SH3RF2: variants seen among roughly 807,000 people sequenced by gnomAD.
The protein encoded by SH3RF2 is E3 ubiquitin-protein ligase SH3RF2.
Under a neutral mutation model 59.0 loss-of-function variants are expected in SH3RF2, and 43 were observed. That is an observed-to-expected ratio of 0.73 (90% confidence interval 0.57 to 0.94). The LOEUF (loss-of-function observed/expected upper bound fraction) is 0.94. Ranked by LOEUF, SH3RF2 falls within the 40% of genes least tolerant of loss-of-function variation. The pLI, the probability that SH3RF2 is intolerant of heterozygous loss-of-function variation, is 0.00. For synonymous variants in SH3RF2, 391 were observed against 391.5 expected (o/e 1.00, Z 0.01); for missense variants, 930 against 940.1 (o/e 0.99, Z 0.14).
chr5:146,003,984 A>G (rs1052009536), intron 3 of SH3RF2, 74 bp from the exon 4 acceptor site: 4 of 1,298,954 alleles, frequency 3.1e-6, no homozygotes, highest in East Asian at 2.4e-5. Flanking sequence ...CTGAGACTCC[A>G]AACTGATCTC....
chr5:146,008,678 C>T (rs1459804029), intron 4 of SH3RF2, among the ~76,000 whole-genome samples: 1 of 152,124 alleles, frequency 6.6e-6, no homozygotes. Flanking sequence ...ACATCCAGTT[C>T]TATAAATTTT....
intron 3 of SH3RF2, 23 bp from the exon 4 acceptor site, chr5:146,004,035 G>C (rs763483331): frequency 6.2e-7 from 1 of 1,603,646 alleles, no homozygotes; most frequent in Non-Finnish European, 8.5e-7. Flanking sequence ...AGTAAATGCT[G>C]ACCATGAGAC....
At chr5:145,943,561 T>A (rs1269708681) in intron 2 of SH3RF2, among the ~76,000 whole-genome samples, 1 of 152,230 alleles carries the variant, frequency 6.6e-6, no homozygotes, top group South Asian at 2.1e-4. Flanking sequence ...CCACTCTGAT[T>A]TCCTTTCATT....
intron 2 of SH3RF2, among the ~76,000 whole-genome samples, chr5:145,990,905 G>A (rs1235013361): frequency 6.6e-6 from 1 of 152,212 alleles, no homozygotes; most frequent in Non-Finnish European, 1.5e-5. Flanking sequence ...ACAGGTGAGA[G>A]CTAATGTTGA....
At chr5:146,078,356 G>A (rs1237260376) in intron 9 of SH3RF2, 3 of 152,232 alleles carry the variant, frequency 2.0e-5, no homozygotes, top group Non-Finnish European at 4.4e-5. Flanking sequence ...TCTTCTGGGA[G>A]AAGATAAATT....
At chr5:146,057,459 A>G (rs1231466252) in intron 8 of SH3RF2, among the ~76,000 whole-genome samples, 1 of 152,236 alleles carries the variant, frequency 6.6e-6, no homozygotes, top group Non-Finnish European at 1.5e-5. Flanking sequence ...ATGGGAAATA[A>G]AAATTCCTAC....
rs1043814027 is a variant in SH3RF2 at position 146,063,252 on chromosome 5, C to T, written c.*551C>T. 2 of 152,786 alleles carry T rather than the reference C, an allele frequency of 1.3e-5. No homozygotes were observed. Among genetic ancestry groups the T allele is most frequent in the East Asian group, 1.9e-4 (1 of 5,180 alleles). 9.5% of individuals were successfully genotyped at this position (152,786 alleles called of 1,614,324 possible). A position where few individuals can be genotyped will look rare whatever the true frequency, so the allele number is the denominator to read the frequency against. ...TTCTGCGCGGGGTGTGAGGTGGATA[C>T]TTTGAACATTCTGAGAACCCAATAA... On this transcript the variant is annotated 3_prime_UTR_variant, in exon 10 of 10. Coordinates refer to ENST00000359120, the MANE Select transcript of SH3RF2 (RefSeq NM_152550.4).
chr5:146,012,587 C>T (rs896289617), intron 4 of SH3RF2, among the ~76,000 whole-genome samples: 3 of 152,056 alleles, frequency 2.0e-5, no homozygotes, highest in African/African-American at 7.3e-5. Flanking sequence ...CTGGTTTAGT[C>T]TTGGTTGGAT....
intron 2 of SH3RF2, among the ~76,000 whole-genome samples, chr5:145,949,695 A>G (rs895333013): frequency 3.9e-5 from 6 of 152,202 alleles, no homozygotes; most frequent in Non-Finnish European, 8.8e-5. Flanking sequence ...ATGGAAGAAG[A>G]CAGCAGTGTT....
At chr5:146,051,436 C>T (rs968379686) in intron 7 of SH3RF2, among the ~76,000 whole-genome samples, 2 of 152,100 alleles carry the variant, frequency 1.3e-5, no homozygotes, top group African/African-American at 4.8e-5. Flanking sequence ...ATATCATAAT[C>T]CTGGGGAGAG....
rs115827356 is a variant in SH3RF2 at position 146,079,216 on chromosome 5, A to G, written c.*790A>G. 1.4e-3 allele frequency: 215 copies of G among 152,312 alleles called. 2 individuals are homozygous for G. Among genetic ancestry groups the G allele is most frequent in the African/African-American group, 4.8e-3 (199 of 41,566 alleles). 9.4% of individuals were successfully genotyped at this position (152,312 alleles called of 1,614,324 possible). A position where few individuals can be genotyped will look rare whatever the true frequency, so the allele number is the denominator to read the frequency against. On this transcript the variant is annotated 3_prime_UTR_variant, in exon 10 of 10. Transcript: ENST00000511217. ...TAGAAAGATATAAATATCACTTATA[A>G]CCATGCATCCTTTATGTTCATAAAT...
At chr5:146,031,145 C>T (rs1026408112) in intron 5 of SH3RF2, among the ~76,000 whole-genome samples, 3 of 152,182 alleles carry the variant, frequency 2.0e-5, no homozygotes, top group African/African-American at 7.2e-5. Context: ...CCTGGGAGGA[C>T]ACCATCCCAT....
chr5:146,044,562 T>A (rs915649284), intron 5 of SH3RF2, among the ~76,000 whole-genome samples: 1 of 152,228 alleles, frequency 6.6e-6, no homozygotes, highest in African/African-American at 2.4e-5. Context: ...TTCTGTGGTA[T>A]CTGTTGCCCA....
At chr5:146,033,907 C>G (rs201390931) in intron 5 of SH3RF2, among the ~76,000 whole-genome samples, 1 of 152,154 alleles carries the variant, frequency 6.6e-6, no homozygotes, top group Non-Finnish European at 1.5e-5. Flanking sequence ...TTTGTTGTTA[C>G]GAAAGTCTTA....
At chr5:146,028,267 AG>A (rs1761614168) in intron 5 of SH3RF2, among the ~76,000 whole-genome samples, 1 of 150,968 alleles carries the variant, frequency 6.6e-6, no homozygotes, top group African/African-American at 2.4e-5. Context: ...GAAGGGCAAA[AG>A]AAAGGGAAAA....
intron 5 of SH3RF2, among the ~76,000 whole-genome samples, chr5:146,031,367 G>A (rs6869873): frequency 0.3 from 45,232 of 151,898 alleles, 7,856 homozygotes; most frequent in Non-Finnish European, 0.38. Context: ...GTGGTGAAGC[G>A]AGTGAAATCC....
intron 2 of SH3RF2, among the ~76,000 whole-genome samples, chr5:145,992,236 G>C (rs531662639): frequency 3.9e-5 from 6 of 152,200 alleles, no homozygotes; most frequent in Admixed American, 6.5e-5. Context: ...TTAGCCAGGC[G>C]TGGTGGTGCA....
intron 2 of SH3RF2, among the ~76,000 whole-genome samples, chr5:145,944,259 C>A (rs1322877218): frequency 1.3e-5 from 2 of 150,566 alleles, no homozygotes; most frequent in African/African-American, 2.4e-5. Context: ...TTCCAAAATC[C>A]AAAAAAAATC....
intron 5 of SH3RF2, 140 bp from the exon 6 acceptor site, chr5:146,047,632 G>A: frequency 1.4e-6 from 1 of 727,756 alleles, no homozygotes; most frequent in African/African-American, 1.8e-5. Context: ...AAACCACAGA[G>A]AGGACGCACA....
Sources: gnomAD v4.1 joint callset for allele counts (sites outside exome capture counted in the v4.1 genomes callset) on GRCh38, gnomAD v4.1.1 for gene constraint, MANE v1.5 for transcripts, NCBI Gene and HGNC (gene_info 2026-07-23, HGNC 2026-07-21) for gene names.